The following AJAP1 variants were observed in gnomAD, a reference collection of about 807,000 sequenced individuals.
AJAP1 encodes the protein adherens junctions associated protein 1.
A neutral mutation model predicts 35.0 loss-of-function variants in AJAP1; 5 were observed. The ratio of observed to expected loss-of-function variants is 0.14; its 90% confidence interval spans 0.07 to 0.30. The LOEUF is 0.30. Ranked by LOEUF, AJAP1 falls within the 10% of genes least tolerant of loss-of-function variation. The probability of loss-of-function intolerance (pLI) is 1.00; values close to 1 mark genes in which losing one functional copy is unlikely to be tolerated. For missense variants in AJAP1, 586 were observed against 571.0 expected, an observed-to-expected ratio of 1.03 and a Z score of -0.27; for synonymous variants, 284 against 249.3, an observed-to-expected ratio of 1.14 and a Z score of -1.31.
intron 1 of AJAP1, among the ~76,000 whole-genome samples, chr1:4,688,848 C>T (rs752995329): frequency 2.8e-4 from 43 of 151,582 alleles, no homozygotes; most frequent in Non-Finnish European, 4.6e-4. Context: ...ACCCCATACT[C>T]GAACTGTATT....
At chr1:4,735,432 T>G (rs973763524) in intron 2 of AJAP1, among the ~76,000 whole-genome samples, 7 of 152,158 alleles carry the variant, frequency 4.6e-5, no homozygotes, top group African/African-American at 1.7e-4. Context: ...CCTGGTTGAA[T>G]GTCTCGCCCA....
At position 4,723,106 on chromosome 1, in the gene AJAP1, G is replaced by C. The variant is rs1401358819; in HGVS notation, c.829+10407G>C. On this transcript the variant is annotated intron_variant, in intron 2 of 5. Transcript: ENST00000378191. This position sits in a 1 kb window ranked among gnomAD's most constrained non-coding sequence, Gnocchi z 4.3. ...GGACGCGAGCCCCAAGAGAGCATCG[G>C]CTGGGGAGTAAGGGAGAGAACCATC... is the stretch of plus-strand genomic sequence containing the variant. Among the ~76,000 whole-genome samples, 7 of 152,192 alleles carry C rather than the reference G, an allele frequency of 4.6e-5. No homozygotes were observed. Among genetic ancestry groups the C allele is most frequent in the African/African-American group, 1.4e-4 (6 of 41,444 alleles).
chr1:4,686,424 CCT>C (rs750605222), intron 1 of AJAP1, among the ~76,000 whole-genome samples: 1 of 152,136 alleles, frequency 6.6e-6, no homozygotes, highest in Non-Finnish European at 1.5e-5. Flanking sequence ...CTTTTTCTTC[CCT>C]GAGTGCGTGG....
intron 1 of AJAP1, among the ~76,000 whole-genome samples, chr1:4,695,922 T>C (rs1173176137): frequency 6.6e-6 from 1 of 152,186 alleles, no homozygotes; most frequent in Non-Finnish European, 1.5e-5. Flanking sequence ...TCCTGTGGGA[T>C]GACATTGCTG....
intron 1 of AJAP1, among the ~76,000 whole-genome samples, chr1:4,696,798 T>A (rs1187054584): frequency 6.6e-6 from 1 of 152,134 alleles, no homozygotes; most frequent in African/African-American, 2.4e-5. Context: ...TGCATGTGTG[T>A]CTCTGCATGT....
rs1168459487 is a variant in AJAP1 at position 4,692,461 on chromosome 1, G to T, written c.30-19439G>T. ...TACGAGGACTTGTAATTGCTTTGCTGGCTGGGTCCCAAGGAAGCACCTGCC... is the reference window on the plus strand; with the variant it reads ...TACGAGGACTTGTAATTGCTTTGCTTGCTGGGTCCCAAGGAAGCACCTGCC... On this transcript the variant is annotated intron_variant, in intron 1 of 5. Transcript: ENST00000378191. The surrounding 1 kb of genome is among the most constrained non-coding windows in gnomAD (Gnocchi z 4.4). Among the ~76,000 whole-genome samples the T allele has an allele frequency of 6.6e-6, 1 of 152,158 alleles. No individual in the cohort carries two copies. Among genetic ancestry groups the T allele is most frequent in the Non-Finnish European group, 1.5e-5 (1 of 68,026 alleles).
chr1:4,723,201 G>A lies in AJAP1; in HGVS notation c.829+10502G>A, dbSNP rs901107672. 6.6e-6 allele frequency among the ~76,000 whole-genome samples: 1 copy of A among 152,178 alleles called. No individual in the cohort carries two copies. Among genetic ancestry groups the A allele is most frequent in the African/African-American group, 2.4e-5 (1 of 41,456 alleles). ...TGAAAGGGGTGCATTTAATTGAGAGGCAGAAGCTGGGGAGCAGCAGATTGG... is the reference window on the plus strand; with the variant it reads ...TGAAAGGGGTGCATTTAATTGAGAGACAGAAGCTGGGGAGCAGCAGATTGG... On this transcript the variant is annotated intron_variant, in intron 2 of 5. Coordinates refer to ENST00000378191, the MANE Select transcript of AJAP1 (RefSeq NM_018836.4). This position sits in a 1 kb window ranked among gnomAD's most constrained non-coding sequence, Gnocchi z 4.3.
Position 4,740,781 on chromosome 1 carries a change from G to A in AJAP1, c.829+28082G>A, listed in dbSNP as rs371922361. ...AGCCTGGGCAACAGAGCAAGACTCC[G>A]TCTCAAAAAAAAAAAAAAAAAAAAG... On this transcript the variant is annotated intron_variant, in intron 2 of 5. Transcript: ENST00000378191. Among the ~76,000 whole-genome samples the A allele has an allele frequency of 4.5e-3, 332 of 73,760 alleles. 1 individual carries two copies. Among genetic ancestry groups the A allele is most frequent in the African/African-American group, 0.019 (306 of 16,210 alleles). 48.4% of individuals were successfully genotyped at this position (73,760 alleles called of 152,430 possible).
At chr1:4,681,827 G>A (rs771939849) in intron 1 of AJAP1, among the ~76,000 whole-genome samples, 23 of 152,248 alleles carry the variant, frequency 1.5e-4, no homozygotes, top group Non-Finnish European at 2.6e-4. Context: ...GAACTTGGGC[G>A]ATTCACTCAT....
At chr1:4,667,288 A>T (rs1639151105) in intron 1 of AJAP1, among the ~76,000 whole-genome samples, 2 of 152,110 alleles carry the variant, frequency 1.3e-5, no homozygotes, top group African/African-American at 2.4e-5. Flanking sequence ...CAAAGGTGTG[A>T]CAGGCCCTGA....
At chr1:4,750,217 TATTTGTGTGTGTTCATGC>T (rs1326908927) in intron 2 of AJAP1, among the ~76,000 whole-genome samples, 1 of 152,198 alleles carries the variant, frequency 6.6e-6, no homozygotes, top group Non-Finnish European at 1.5e-5. Context: ...TGTGTGCATG[TATTTGTGTGTGTTCATGC>T]ATTTGTGTGT....
At chr1:4,726,611 G>A (rs1457200235) in intron 2 of AJAP1, among the ~76,000 whole-genome samples, 1 of 152,118 alleles carries the variant, frequency 6.6e-6, no homozygotes, top group Non-Finnish European at 1.5e-5. Flanking sequence ...CCACTGTGTG[G>A]CCCTAGTGAG....
In AJAP1 at chr1:4,791,643, T is replaced by G. The variant is rs961111669; in HGVS notation, c.*9158T>G. On this transcript the variant is annotated 3_prime_UTR_variant, in exon 6 of 6. Transcript: ENST00000378191. ...TGGAAAAGGTGGTCAACCATTTGGA[T>G]GTTTGACTTTCACAACATCAAGCAT... 6.6e-6 allele frequency: 1 copy of G among 152,246 alleles called. No homozygotes were observed. Among genetic ancestry groups the G allele is most frequent in the African/African-American group, 2.4e-5 (1 of 41,468 alleles). 9.4% of individuals were successfully genotyped at this position (152,246 alleles called of 1,614,324 possible).
rs950667968 is a variant in AJAP1, at chr1:4,783,404, G to A, written c.*919G>A. On this transcript the variant is annotated 3_prime_UTR_variant, in exon 6 of 6. Coordinates refer to ENST00000378191, the MANE Select transcript of AJAP1 (RefSeq NM_018836.4). ...TGCATTTGCTAGACGGTTGGTGAGT[G>A]GCATCAAATGTGTGACTTACTATCT... is the stretch of plus-strand genomic sequence containing the variant. 4.0e-5 allele frequency: 6 copies of A among 149,138 alleles called. No individual in the cohort carries two copies. The highest frequency in any genetic ancestry group is 1.5e-4 in the African/African-American group (6 of 40,502). The allele number at this position is 149,138 out of a possible 1,614,324, so 9.2% of individuals were successfully genotyped here. A position where few individuals can be genotyped will look rare whatever the true frequency, so the allele number is the denominator to read the frequency against.
intron 2 of AJAP1, among the ~76,000 whole-genome samples, chr1:4,748,451 A>T (rs941955124): frequency 2.0e-5 from 3 of 152,052 alleles, no homozygotes; most frequent in African/African-American, 4.8e-5. Context: ...GTCCTCAAAA[A>T]TGGAACAGGG....
At chr1:4,771,365 TAGA>T (rs775848739) in intron 3 of AJAP1, among the ~76,000 whole-genome samples, 8 of 152,254 alleles carry the variant, frequency 5.3e-5, no homozygotes, top group Middle Eastern at 3.4e-3. Context: ...AGCCAAGACT[TAGA>T]AGGAGACGGG....
intron 2 of AJAP1, among the ~76,000 whole-genome samples, chr1:4,714,347 G>T (rs188327434): frequency 1.3e-5 from 2 of 152,256 alleles, no homozygotes; most frequent in South Asian, 4.2e-4. Flanking sequence ...ACTGTCAGGC[G>T]CCTGCTAGCA....
intron 2 of AJAP1, among the ~76,000 whole-genome samples, chr1:4,766,127 T>C (rs946295780): frequency 6.6e-6 from 1 of 152,256 alleles, no homozygotes; most frequent in Non-Finnish European, 1.5e-5. Context: ...CTGTGGTCCA[T>C]GGGCCAAACA....
intron 2 of AJAP1, among the ~76,000 whole-genome samples, chr1:4,762,527 C>T (rs747903990): frequency 6.6e-6 from 1 of 152,202 alleles, no homozygotes; most frequent in Non-Finnish European, 1.5e-5. Flanking sequence ...ATATTTCATG[C>T]GTATTGTCAC....
Sources: allele counts gnomAD v4.1 joint callset (sites outside exome capture counted in the v4.1 genomes callset), GRCh38; gene constraint gnomAD v4.1.1; non-coding constraint Gnocchi (gnomAD v3.1); transcripts MANE v1.5; gene names NCBI Gene and HGNC (gene_info 2026-07-23, HGNC 2026-07-21).